Variants in PRUNE2 observed in about 807,000 individuals in gnomAD.
The protein encoded by PRUNE2 is protein prune homolog 2.
PRUNE2 carries 164 observed loss-of-function variants against 252.0 expected under a neutral mutation model. That is an observed-to-expected ratio of 0.65 (90% CI 0.57 to 0.74). PRUNE2 has a LOEUF of 0.74. Among genes scored for constraint, PRUNE2 ranks in the 30% least tolerant of loss-of-function variants. PRUNE2 has a pLI of 0.00. For synonymous variants in PRUNE2, 1,292 were observed against 1,350.2 expected, an observed-to-expected ratio of 0.96 and a Z score of 0.94; for missense variants, 3,495 against 3,711.0, an observed-to-expected ratio of 0.94 and a Z score of 1.51.
chr9:76,627,880 A>G, intron 16 of PRUNE2: 1 of 431,478 alleles, frequency 2.3e-6, no homozygotes. Context: ...AATGATATAA[A>G]TAGAGCACTG....
chr9:76,631,678 T>C (rs1451658689), intron 15 of PRUNE2, among the ~76,000 whole-genome samples: 1 of 152,200 alleles, frequency 6.6e-6, no homozygotes, highest in Non-Finnish European at 1.5e-5. Flanking sequence ...ACTAATTTTT[T>C]CCCCCAGCTT....
At chr9:76,898,650 G>A (rs1162919371) in intron 1 of PRUNE2, among the ~76,000 whole-genome samples, 2 of 151,840 alleles carry the variant, frequency 1.3e-5, no homozygotes, top group Non-Finnish European at 2.9e-5. Flanking sequence ...CAACTATAAT[G>A]AGATTAAAAC....
chr9:76,845,000 T>TA (rs55754002), intron 4 of PRUNE2, among the ~76,000 whole-genome samples: 9,287 of 60,632 alleles, frequency 0.15, 1,200 homozygotes, highest in East Asian at 0.23. Context: ...CCCCCTCTCT[T>TA]AAAAAAAAAA....
chr9:76,696,601 T>G (rs1647027035), intron 9 of PRUNE2, among the ~76,000 whole-genome samples: 2 of 152,194 alleles, frequency 1.3e-5, no homozygotes, highest in Admixed American at 1.3e-4. Context: ...AATTTTTGTA[T>G]TTTTAGTAGA....
intron 4 of PRUNE2, among the ~76,000 whole-genome samples, chr9:76,827,936 T>C (rs905522336): frequency 1.3e-5 from 2 of 152,216 alleles, no homozygotes; most frequent in African/African-American, 4.8e-5. Context: ...ATTTCATCCA[T>C]TCATTCCCTC....
At chr9:76,736,100 A>G (rs1043478094) in intron 6 of PRUNE2, among the ~76,000 whole-genome samples, 2 of 151,806 alleles carry the variant, frequency 1.3e-5, no homozygotes, top group Non-Finnish European at 2.9e-5. Flanking sequence ...TGATGAAAAT[A>G]TTTTTCAGCC....
chr9:76,903,403 GC>G (rs1424355287), intron 1 of PRUNE2, among the ~76,000 whole-genome samples: 1 of 151,438 alleles, frequency 6.6e-6, no homozygotes, highest in African/African-American at 2.4e-5. Flanking sequence ...TAGTAATTAG[GC>G]TTTTTTGTTT....
chr9:76,719,461 G>A (rs1448331268), intron 6 of PRUNE2, among the ~76,000 whole-genome samples: 1 of 151,858 alleles, frequency 6.6e-6, no homozygotes, highest in Non-Finnish European at 1.5e-5. Flanking sequence ...ATTTCCAAAT[G>A]GGCACTATCA....
chr9:76,711,213 T>C lies in PRUNE2; in HGVS notation c.1061A>G (p.Asn354Ser), dbSNP rs758594740. 1.2e-6 allele frequency: 2 copies of C among 1,613,826 alleles called. No homozygotes were observed. The highest frequency in any genetic ancestry group is 2.2e-5 in the East Asian group (1 of 44,880). ...GGAGACCATCTCTGGACACCTCCTGTTGATGACTTCCTTGACAACGAGAAC... is the reference window on the plus strand; with the variant it reads ...GGAGACCATCTCTGGACACCTCCTGCTGATGACTTCCTTGACAACGAGAAC... The part of the protein sequence containing the change: ...QVVLVVKEVI[N>S]RRCPEMVSNS... Residue 354 changes from asparagine (N) to serine (S), a missense_variant, in exon 8 of 19, where the codon AAC (asparagine) becomes AGC (serine). By Grantham distance (46) the Asn-to-Ser change is conservative (BLOSUM62 1). Coordinates refer to ENST00000376718, the MANE Select transcript of PRUNE2 (RefSeq NM_015225.3).
chr9:76,875,506 C>T (rs2061427604), intron 1 of PRUNE2, among the ~76,000 whole-genome samples: 1 of 152,144 alleles, frequency 6.6e-6, no homozygotes, highest in Non-Finnish European at 1.5e-5. Flanking sequence ...GCTGGGACTA[C>T]AGACACGTGC....
intron 1 of PRUNE2, among the ~76,000 whole-genome samples, chr9:76,875,151 C>T (rs2061409090): frequency 1.3e-5 from 2 of 152,100 alleles, no homozygotes; most frequent in African/African-American, 4.8e-5. Context: ...TCTACCTAGA[C>T]GTCCCTTCCC....
At chr9:76,656,447 C>T (rs761882258) in intron 9 of PRUNE2, among the ~76,000 whole-genome samples, 1 of 151,986 alleles carries the variant, frequency 6.6e-6, no homozygotes, top group African/African-American at 2.4e-5. Flanking sequence ...TAATTTAGTC[C>T]CCTTCTGCCT....
chr9:76,755,308 G>C (rs769186205), intron 6 of PRUNE2, among the ~76,000 whole-genome samples: 4 of 152,110 alleles, frequency 2.6e-5, no homozygotes, highest in Non-Finnish European at 5.9e-5. Context: ...GATACTTACT[G>C]AATGAGTGAA....
At chr9:76,623,149 A>T (rs2132077383) in intron 17 of PRUNE2, among the ~76,000 whole-genome samples, 1 of 152,354 alleles carries the variant, frequency 6.6e-6, no homozygotes, top group East Asian at 1.9e-4. Flanking sequence ...AGCTGGTTTT[A>T]AAAATTAACA....
intron 5 of PRUNE2, among the ~76,000 whole-genome samples, 184 bp from the exon 6 acceptor site, chr9:76,823,910 T>C (rs1029473317): frequency 6.6e-6 from 1 of 151,992 alleles, no homozygotes; most frequent in Non-Finnish European, 1.5e-5. Context: ...CTGCATCAGT[T>C]AGGATCCCAA....
Position 76,703,320 on chromosome 9 carries a change from T to C in PRUNE2, c.8276+17A>G. On this transcript the variant is annotated intron_variant, in intron 9 of 18. Transcript: ENST00000376718. ...ATTGCTTTTCAGGAAAAAAAATAAA[T>C]CTAGCTTTTTGCTTACCCATTTGGT... The C allele has an allele frequency of 6.5e-7, 1 of 1,545,894 alleles. No individual in the cohort carries two copies. Among genetic ancestry groups the C allele is most frequent in the Non-Finnish European group, 8.7e-7 (1 of 1,149,168 alleles).
At chr9:76,781,869 G>A (rs1044429736) in intron 6 of PRUNE2, among the ~76,000 whole-genome samples, 2 of 152,174 alleles carry the variant, frequency 1.3e-5, no homozygotes, top group Non-Finnish European at 2.9e-5. Context: ...AATGAATGGA[G>A]ATGTTGGAGT....
intron 16 of PRUNE2, among the ~76,000 whole-genome samples, chr9:76,626,206 T>G (rs1834684796): frequency 6.6e-6 from 1 of 152,362 alleles, no homozygotes; most frequent in East Asian, 1.9e-4. Flanking sequence ...AGTGACTTTA[T>G]AGAACATAAC....
rs1376534840 is a variant in PRUNE2 at position 76,705,810 on chromosome 9, G to A, written c.6464C>T (p.Pro2155Leu). 2 of 1,613,670 alleles carry A rather than the reference G, an allele frequency of 1.2e-6. No individual in the cohort carries two copies. Among genetic ancestry groups the A allele is most frequent in the South Asian group, 2.2e-5 (2 of 91,070 alleles). The change falls in exon 8 of 19, where the codon CCA (proline) becomes CTA (leucine). Residue 2155 changes from proline to leucine, a missense_variant. By Grantham distance (98) the Pro-to-Leu change is moderately conservative (BLOSUM62 -3). Transcript: ENST00000376718. The part of the protein sequence containing the change: ...PIYEPGREFV[P>L]SNAELDSENA... ...TTCAGAATCGAGTTCTGCATTGGAT[G>A]GGACAAACTCCCGTCCAGGCTCATA... is the stretch of plus-strand genomic sequence containing the variant.
Sources: gnomAD v4.1 joint callset for allele counts (sites outside exome capture counted in the v4.1 genomes callset) on GRCh38, gnomAD v4.1.1 for gene constraint, MANE v1.5 for transcripts, NCBI Gene and HGNC (gene_info 2026-07-23, HGNC 2026-07-21) for gene names.